Variants in PTPRD observed in about 807,000 individuals in gnomAD.
PTPRD encodes receptor-type tyrosine-protein phosphatase delta.
A neutral mutation model predicts 214.5 loss-of-function variants in PTPRD; 34 were observed. That is an observed-to-expected ratio of 0.16 (90% confidence interval 0.12 to 0.21). The LOEUF (loss-of-function observed/expected upper bound fraction) is 0.21, where lower values mean the gene tolerates loss of function less well. Ranked by LOEUF, PTPRD falls within the 10% of genes least tolerant of loss-of-function variation. The pLI is 1.00. For missense variants in PTPRD, 2,545 were observed against 2,398.7 expected (o/e 1.06, Z -1.27); for synonymous variants, 1,128 against 845.7 (o/e 1.33, Z -5.79).
chr9:10,573,272 C>T lies in PTPRD; in HGVS notation c.-600+39126G>A, dbSNP rs527512763. On this transcript the variant is annotated intron_variant, in intron 2 of 45. Transcript: ENST00000381196. ...TTACTTTATCAATAAAAAACACACA[C>T]GAATGTTGAATGTTATTTAATCCCA... Among the ~76,000 whole-genome samples the T allele has an allele frequency of 3.9e-5, 6 of 152,084 alleles. No individual in the cohort carries two copies. In the East Asian group the frequency reaches 5.8e-4, roughly 15 times the overall value.
intron 36 of PTPRD, among the ~76,000 whole-genome samples, chr9:8,396,277 C>G (rs1160687625): frequency 1.3e-5 from 2 of 152,254 alleles, no homozygotes; most frequent in South Asian, 2.1e-4. Context: ...TGGAAAAAGT[C>G]TGCTTATTCT....
intron 11 of PTPRD, among the ~76,000 whole-genome samples, chr9:8,820,119 T>C (rs934013410): frequency 6.6e-6 from 1 of 152,166 alleles, no homozygotes; most frequent in Non-Finnish European, 1.5e-5. Flanking sequence ...TAGGAAACTA[T>C]TTGCTAACAC....
At chr9:10,183,070 T>C (rs1012725725) in intron 3 of PTPRD, among the ~76,000 whole-genome samples, 8 of 152,302 alleles carry the variant, frequency 5.3e-5, no homozygotes, top group African/African-American at 1.9e-4. Flanking sequence ...ATAAGAATAA[T>C]GCTATTTTCT....
At chr9:8,705,462 C>A (rs1055869980) in intron 12 of PTPRD, among the ~76,000 whole-genome samples, 2 of 152,178 alleles carry the variant, frequency 1.3e-5, no homozygotes, top group South Asian at 2.1e-4. Flanking sequence ...ATACAAGAAA[C>A]AAATTCCCAG....
At chr9:9,648,766 A>T (rs1476658273) in intron 7 of PTPRD, among the ~76,000 whole-genome samples, 1 of 152,180 alleles carries the variant, frequency 6.6e-6, no homozygotes. Flanking sequence ...TAATGTTCTT[A>T]TATTGTATTG....
At chr9:9,337,446 T>G (rs570546100) in intron 9 of PTPRD, among the ~76,000 whole-genome samples, 46 of 152,268 alleles carry the variant, frequency 3.0e-4, no homozygotes, top group African/African-American at 1.1e-3. Flanking sequence ...ATTTTATGCA[T>G]GCCAAGAACA....
At chr9:9,063,750 C>T (rs751712368) in intron 10 of PTPRD, among the ~76,000 whole-genome samples, 25 of 152,198 alleles carry the variant, frequency 1.6e-4, no homozygotes, top group Admixed American at 1.3e-3. Context: ...CACTAGTATG[C>T]GGAAGACTGT....
chr9:10,421,733 CTT>C (rs2098547797), intron 2 of PTPRD, among the ~76,000 whole-genome samples: 1 of 151,900 alleles, frequency 6.6e-6, no homozygotes, highest in Non-Finnish European at 1.5e-5. Context: ...TTCATAGAAA[CTT>C]GCTTGTTATT....
At chr9:9,274,543 A>C (rs1944221007) in intron 9 of PTPRD, among the ~76,000 whole-genome samples, 1 of 151,138 alleles carries the variant, frequency 6.6e-6, no homozygotes, top group East Asian at 2.0e-4. Flanking sequence ...ATCTATCCCA[A>C]CTCTTGCCAC....
chr9:9,957,244 T>G (rs951331371), intron 4 of PTPRD, among the ~76,000 whole-genome samples: 2 of 152,172 alleles, frequency 1.3e-5, no homozygotes, highest in Admixed American at 1.3e-4. Context: ...AATACTCCTC[T>G]TTTTAAGATA....
intron 39 of PTPRD, among the ~76,000 whole-genome samples, chr9:8,357,172 C>A (rs1054447341): frequency 6.6e-6 from 1 of 152,192 alleles, no homozygotes; most frequent in Non-Finnish European, 1.5e-5. Context: ...GCCAACAATT[C>A]TTCTTCGAAG....
At chr9:8,770,792 T>A (rs561299955) in intron 11 of PTPRD, among the ~76,000 whole-genome samples, 7 of 151,230 alleles carry the variant, frequency 4.6e-5, no homozygotes, top group African/African-American at 1.7e-4. Context: ...TCAAACTCAA[T>A]TGAAAGGCAA....
intron 9 of PTPRD, among the ~76,000 whole-genome samples, chr9:9,396,189 A>G (rs1286304105): frequency 2.0e-5 from 3 of 152,024 alleles, no homozygotes; most frequent in Admixed American, 6.6e-5. Context: ...AAGAGCACTA[A>G]AAGTCAAAAC....
chr9:9,371,258 G>A (rs1040709017), intron 9 of PTPRD, among the ~76,000 whole-genome samples: 1 of 151,912 alleles, frequency 6.6e-6, no homozygotes, highest in Non-Finnish European at 1.5e-5. Flanking sequence ...TTTTTTGGTT[G>A]GTAAGGTATT....
chr9:8,599,039 C>T (rs1018392166), intron 14 of PTPRD, among the ~76,000 whole-genome samples: 2 of 152,086 alleles, frequency 1.3e-5, no homozygotes, highest in African/African-American at 2.4e-5. Flanking sequence ...GGGAAGGACC[C>T]GGTGGGAGAT....
chr9:10,439,477 T>C (rs73408104), intron 2 of PTPRD, among the ~76,000 whole-genome samples: 1,543 of 151,886 alleles, frequency 0.01, 21 homozygotes, highest in African/African-American at 0.029. Flanking sequence ...TGAAGTTACA[T>C]TGGACATTTA....
At chr9:9,494,622 G>T (rs2096084867) in intron 8 of PTPRD, among the ~76,000 whole-genome samples, 1 of 152,188 alleles carries the variant, frequency 6.6e-6, no homozygotes. Flanking sequence ...CAAGGAGGTG[G>T]AAAATTTGTA....
At chr9:9,482,531 G>C (rs1179624402) in intron 8 of PTPRD, among the ~76,000 whole-genome samples, 1 of 152,036 alleles carries the variant, frequency 6.6e-6, no homozygotes, top group Non-Finnish European at 1.5e-5. Flanking sequence ...GGGGAGTCTG[G>C]CACAAGGATG....
intron 10 of PTPRD, among the ~76,000 whole-genome samples, chr9:9,171,425 G>C (rs1366994155): frequency 6.6e-6 from 1 of 151,064 alleles, no homozygotes; most frequent in Non-Finnish European, 1.5e-5. Flanking sequence ...TGGTTTCACA[G>C]GGAAATAGGA....
Sources: gnomAD v4.1 joint callset for allele counts (sites outside exome capture counted in the v4.1 genomes callset) on GRCh38, gnomAD v4.1.1 for gene constraint, MANE v1.5 for transcripts, NCBI Gene and HGNC (gene_info 2026-07-23, HGNC 2026-07-21) for gene names.